Variants in LAMA2 observed in about 807,000 individuals in gnomAD.
The protein encoded by LAMA2 is laminin subunit alpha-2.
LAMA2 carries 269 observed loss-of-function variants against 364.8 expected under a neutral mutation model. That is an observed-to-expected ratio of 0.74 (90% CI 0.67 to 0.82). The LOEUF (loss-of-function observed/expected upper bound fraction) is 0.82. LAMA2 is among the 40% of genes least tolerant of loss of function. The pLI, the probability that LAMA2 is intolerant of heterozygous loss-of-function variation, is 0.00. For missense variants in LAMA2, 3,807 were observed against 3,873.2 expected, an observed-to-expected ratio of 0.98 and a Z score of 0.45; for synonymous variants, 1,379 against 1,370.6, an observed-to-expected ratio of 1.01 and a Z score of -0.14.
chr6:129,134,922 G>A (rs1418596301), intron 4 of LAMA2, among the ~76,000 whole-genome samples: 1 of 152,174 alleles, frequency 6.6e-6, no homozygotes, highest in Non-Finnish European at 1.5e-5. Context: ...AATGGCAGGA[G>A]GTGATATTGG....
At chr6:129,219,203 G>A (rs265352) in intron 12 of LAMA2, among the ~76,000 whole-genome samples, 98,387 of 151,964 alleles carry the variant, frequency 0.65, 34,104 homozygotes, top group Non-Finnish European at 0.77. Context: ...AGACATTTAT[G>A]CAGCCAAAAA....
intron 36 of LAMA2, among the ~76,000 whole-genome samples, chr6:129,391,961 C>A (rs1779349067): frequency 6.6e-6 from 1 of 152,158 alleles, no homozygotes; most frequent in Admixed American, 6.5e-5. Context: ...TGTAATTAGG[C>A]TAATGAGTTT....
At chr6:129,034,505 A>G (rs1380861320) in intron 1 of LAMA2, among the ~76,000 whole-genome samples, 2 of 151,330 alleles carry the variant, frequency 1.3e-5, no homozygotes, top group Non-Finnish European at 2.9e-5. Flanking sequence ...TAGGGGATAC[A>G]TGTGTGGGTT....
chr6:129,220,834 T>C (rs1017641399), intron 12 of LAMA2, among the ~76,000 whole-genome samples: 7 of 151,060 alleles, frequency 4.6e-5, no homozygotes, highest in African/African-American at 1.5e-4. Context: ...CTGTATCTCT[T>C]TTCAGCTGTG....
At chr6:128,908,940 G>C (rs1480849236) in intron 1 of LAMA2, among the ~76,000 whole-genome samples, 2 of 147,510 alleles carry the variant, frequency 1.4e-5, no homozygotes, top group Admixed American at 6.7e-5. Flanking sequence ...ATGTAGTTGA[G>C]CAGTTTTGAG....
chr6:129,431,153 C>T (rs1197109689), intron 41 of LAMA2, among the ~76,000 whole-genome samples: 1 of 152,028 alleles, frequency 6.6e-6, no homozygotes, highest in Non-Finnish European at 1.5e-5. Context: ...AATCCTAACA[C>T]TTCGGGAGAC....
At chr6:129,336,708 G>A (rs1013768003) in intron 29 of LAMA2, among the ~76,000 whole-genome samples, 5 of 152,104 alleles carry the variant, frequency 3.3e-5, no homozygotes, top group South Asian at 2.1e-4. Context: ...GTATCCTTGT[G>A]CACAAGATTG....
At chr6:129,126,089 C>T (rs1410903671) in intron 4 of LAMA2, among the ~76,000 whole-genome samples, 1 of 152,128 alleles carries the variant, frequency 6.6e-6, no homozygotes, top group Non-Finnish European at 1.5e-5. Context: ...CAGGTTAAAT[C>T]AAATTTCAAC....
intron 56 of LAMA2, among the ~76,000 whole-genome samples, chr6:129,491,620 C>T (rs1165185538): frequency 1.3e-5 from 2 of 152,222 alleles, no homozygotes; most frequent in African/African-American, 4.8e-5. Flanking sequence ...CTCACAGGCT[C>T]ATGTGTTGGG....
chr6:129,243,485 T>C (rs1785525025), intron 12 of LAMA2, among the ~76,000 whole-genome samples: 1 of 151,760 alleles, frequency 6.6e-6, no homozygotes, highest in African/African-American at 2.4e-5. Flanking sequence ...ATATGAAATG[T>C]AGGAAGAAAA....
At chr6:129,066,337 G>A (rs9388682) in intron 3 of LAMA2, among the ~76,000 whole-genome samples, 73,123 of 151,654 alleles carry the variant, frequency 0.48, 20,662 homozygotes, top group East Asian at 0.8. Flanking sequence ...GAGCCACCGC[G>A]CCCGGCCTCA....
Position 129,285,739 on chromosome 6 carries a change from C to A in LAMA2, c.2538-2108C>A, listed in dbSNP as rs1368094104. Among the ~76,000 whole-genome samples, 5 of 152,038 alleles carry A rather than the reference C, an allele frequency of 3.3e-5. 1 individual carries two copies. Among genetic ancestry groups the A allele is most frequent in the Admixed American group, 1.3e-4 (2 of 15,254 alleles). The stretch of plus-strand genomic sequence containing the variant: ...GAATCAGGTTAAAATTCAAAAGAAT[C>A]TCCTTCTTATCTTTATCAAATGCCT... On this transcript the variant is annotated intron_variant, in intron 18 of 64. Transcript: ENST00000421865.
At chr6:129,310,369 T>C (rs1774142387) in intron 22 of LAMA2, among the ~76,000 whole-genome samples, 1 of 152,116 alleles carries the variant, frequency 6.6e-6, no homozygotes, top group South Asian at 2.1e-4. Flanking sequence ...AGAATTAAGC[T>C]GAGGAGGGAA....
chr6:129,054,092 G>T lies in LAMA2; in HGVS notation c.283+4004G>T, dbSNP rs183767021. On this transcript the variant is annotated intron_variant, in intron 2 of 64. Transcript: ENST00000421865. ...TGAATAGCAGCAGTCAGCAGAAAGT[G>T]TTGGGAGAAATTTCTTATTTGATGA... Among the ~76,000 whole-genome samples, 17 of 152,328 alleles carry T rather than the reference G, an allele frequency of 1.1e-4. No individual in the cohort carries two copies. In the East Asian group the frequency reaches 3.1e-3, roughly 28 times the overall value.
intron 3 of LAMA2, among the ~76,000 whole-genome samples, chr6:129,077,966 G>A (rs1017091180): frequency 2.6e-5 from 4 of 152,156 alleles, no homozygotes; most frequent in Admixed American, 1.3e-4. Flanking sequence ...CCCGCAGGAC[G>A]TGCAAGGCCA....
chr6:129,151,603 C>G (rs375830399), intron 7 of LAMA2, among the ~76,000 whole-genome samples: 3 of 152,184 alleles, frequency 2.0e-5, no homozygotes, highest in East Asian at 3.9e-4. Flanking sequence ...GTTGACTCAC[C>G]CTTCTGCATG....
At chr6:129,370,117 T>A in intron 34 of LAMA2, 127 bp downstream of exon 34, 1 of 773,812 alleles carries the variant, frequency 1.3e-6, no homozygotes, top group Non-Finnish European at 2.2e-6. Flanking sequence ...AAAATAGATG[T>A]ATTCTGACTT....
At chr6:129,315,112 C>T (rs1240587112) in intron 24 of LAMA2, among the ~76,000 whole-genome samples, 1 of 152,160 alleles carries the variant, frequency 6.6e-6, no homozygotes, top group Non-Finnish European at 1.5e-5. Flanking sequence ...TTGATATGAG[C>T]TAACACACCA....
At chr6:129,396,212 T>A (rs866465186) in intron 37 of LAMA2, among the ~76,000 whole-genome samples, 9 of 152,242 alleles carry the variant, frequency 5.9e-5, no homozygotes, top group Non-Finnish European at 1.2e-4. Context: ...ATCAAGGTAC[T>A]GTTGGTAACC....
Sources: allele counts gnomAD v4.1 joint callset (sites outside exome capture counted in the v4.1 genomes callset), GRCh38; gene constraint gnomAD v4.1.1; transcripts MANE v1.5; gene names NCBI Gene and HGNC (gene_info 2026-07-23, HGNC 2026-07-21).